ANKRD11: variants seen among roughly 807,000 people sequenced by gnomAD.
ANKRD11 encodes the protein ankyrin repeat domain-containing protein 11.
Under a neutral mutation model 195.7 loss-of-function variants are expected in ANKRD11, and 17 were observed. That is an observed-to-expected ratio of 0.09 (90% CI 0.06 to 0.13). The LOEUF is 0.13. Among genes scored for constraint, ANKRD11 ranks in the 10% least tolerant of loss-of-function variants. The pLI, the probability that ANKRD11 is intolerant of heterozygous loss-of-function variation, is 1.00. For synonymous variants in ANKRD11, 1,953 were observed against 1,528.1 expected (o/e 1.28, Z -6.49); for missense variants, 3,735 against 3,566.1 (o/e 1.05, Z -1.21).
chr16:89,284,575 C>G lies in ANKRD11; in HGVS notation c.1967G>C (p.Ser656Thr). 1 of 1,614,190 alleles carries G rather than the reference C, an allele frequency of 6.2e-7. No homozygotes were observed. ...CSISQELKLKSFTYEYEDSKQ... is the reference protein window; with the variant it reads ...CSISQELKLKTFTYEYEDSKQ... ...GGAGTCCTCATATTCGTAAGTAAAA[C>G]TTTTCAACTTCAGCTCTTGGCTGAT... Residue 656 changes from serine (S) to threonine (T), a missense_variant, in exon 9 of 13, where the codon AGT becomes ACT. Ser to Thr is a moderately conservative substitution (Grantham distance 58). Transcript: ENST00000301030.
intron 4 of ANKRD11, among the ~76,000 whole-genome samples, chr16:89,302,120 C>G (rs1277179784): frequency 6.6e-6 from 1 of 152,246 alleles, no homozygotes; most frequent in East Asian, 1.9e-4. Flanking sequence ...GTGTGCGCCT[C>G]TCCCTCCACC....
intron 3 of ANKRD11, among the ~76,000 whole-genome samples, chr16:89,311,359 T>C (rs2036597393): frequency 6.6e-6 from 1 of 152,252 alleles, no homozygotes. Context: ...TCTTATCCTG[T>C]AGTACCTTTG....
chr16:89,487,965 G>A (rs891916683), intron 1 of ANKRD11, among the ~76,000 whole-genome samples: 1 of 150,732 alleles, frequency 6.6e-6, no homozygotes, highest in Non-Finnish European at 1.5e-5. Context: ...TGGCACTGCT[G>A]GTATGGGGTG....
rs569940094 is a variant in ANKRD11, at chr16:89,335,468, G to A, written c.-59-18390C>T. Among the ~76,000 whole-genome samples, 206 of 152,312 alleles carry A rather than the reference G, an allele frequency of 1.4e-3. 2 individuals are homozygous for A. The highest frequency in any genetic ancestry group is 0.01 in the South Asian group (50 of 4,832). On this transcript the variant is annotated intron_variant, in intron 2 of 12. Coordinates refer to ENST00000301030, the MANE Select transcript of ANKRD11 (RefSeq NM_013275.6). ...GGATGAGTGGGTTCCCACCTAGCAC[G>A]CAGTACGCAGTGGGTTAGGGCAGGT...
intron 2 of ANKRD11, among the ~76,000 whole-genome samples, chr16:89,349,156 A>AAAAAAAAAAAAAAAAT (rs2039085798): frequency 6.8e-6 from 1 of 146,014 alleles, no homozygotes; most frequent in Non-Finnish European, 1.5e-5. Flanking sequence ...AAAAAAAAAA[A>AAAAAAAAAAAAAAAAT]AAAAAGAATA....
At chr16:89,465,234 T>C (rs1289682879) in intron 1 of ANKRD11, among the ~76,000 whole-genome samples, 1 of 152,140 alleles carries the variant, frequency 6.6e-6, no homozygotes, top group Non-Finnish European at 1.5e-5. Flanking sequence ...AAAAGACAAG[T>C]CTGCATATTA....
In ANKRD11 at chr16:89,465,956, C is replaced by T. The variant is rs541181122; in HGVS notation, c.-145+24289G>A. Reference sequence around the variant, plus strand: ...TGATCTCCTGACCTCATGATCTGCCCGCCTCGGCCTCCCAAAGTGCTGGAA... The same window carrying T: ...TGATCTCCTGACCTCATGATCTGCCTGCCTCGGCCTCCCAAAGTGCTGGAA... On this transcript the variant is annotated intron_variant, in intron 1 of 12. Transcript: ENST00000301030. 5.6e-3 allele frequency among the ~76,000 whole-genome samples: 847 copies of T among 152,206 alleles called. 4 individuals are homozygous for T. Among genetic ancestry groups the T allele is most frequent in the Middle Eastern group, 0.01 (3 of 294 alleles).
chr16:89,402,532 T>C (rs2041738214), intron 2 of ANKRD11, among the ~76,000 whole-genome samples: 1 of 151,242 alleles, frequency 6.6e-6, no homozygotes, highest in Non-Finnish European at 1.5e-5. Context: ...CATTTAAAAA[T>C]TGCTGCGTAT....
chr16:89,284,084 T>C lies in ANKRD11; in HGVS notation c.2458A>G (p.Lys820Glu), dbSNP rs1257501919. 1.2e-6 allele frequency: 2 copies of C among 1,614,100 alleles called. No individual in the cohort carries two copies. The highest frequency in any genetic ancestry group is 2.2e-5 in the South Asian group (2 of 91,080). Reference sequence around the variant, plus strand: ...TCTTCATTCTCCAGAAACTGATTTTTGTTACAATATTCGTCAAAAGCAGAA... The same window carrying C: ...TCTTCATTCTCCAGAAACTGATTTTCGTTACAATATTCGTCAAAAGCAGAA... The part of the protein sequence containing the change: ...EDSAFDEYCN[K>E]NQFLENEDTK... The change falls in exon 9 of 13, where the codon AAA becomes GAA. Residue 820 changes from lysine (K) to glutamate (E), a missense_variant. Physicochemically the swap from Lys to Glu is moderately conservative, Grantham distance 56. Transcript: ENST00000301030.
Position 89,281,706 on chromosome 16 carries a change from C to A in ANKRD11, c.4836G>T (p.Arg1612Ser). The A allele has an allele frequency of 6.2e-7, 1 of 1,614,162 alleles. No homozygotes were observed. The highest frequency in any genetic ancestry group is 8.5e-7 in the Non-Finnish European group (1 of 1,180,020). Residue 1612 changes from arginine (R) to serine (S), a missense_variant, in exon 9 of 13, where the codon AGG (arginine) becomes AGT (serine). Physicochemically the swap from Arg to Ser is moderately radical, Grantham distance 110. Transcript: ENST00000301030. The surrounding 1 kb of genome is among the most constrained non-coding windows in gnomAD (Gnocchi z 5.5). ...KERMKQMEKL[R>S]HRSGDPKLKE... ...TGAGCTTGGGGTCTCCGGACCGGTG[C>A]CTCAGCTTCTCCATTTGCTTCATCC...
chr16:89,321,943 C>G (rs995900846), intron 2 of ANKRD11, among the ~76,000 whole-genome samples: 1 of 152,184 alleles, frequency 6.6e-6, no homozygotes, highest in Non-Finnish European at 1.5e-5. Context: ...GCTGCTGCTG[C>G]GCGAGGCTTA....
intron 1 of ANKRD11, among the ~76,000 whole-genome samples, chr16:89,443,923 C>T (rs1346061552): frequency 6.6e-6 from 1 of 152,126 alleles, no homozygotes; most frequent in Non-Finnish European, 1.5e-5. Context: ...GCTGCCGTGC[C>T]GGGCCGGCGT....
chr16:89,282,276 C>A lies in ANKRD11; in HGVS notation c.4266G>T (p.Leu1422Phe), dbSNP rs751159286. ...IEDELDKTIE[L>F]FSTEKKDKND... ...TTTTATCTTTCTTTTCGGTAGAAAA[C>A]AATTCAATGGTTTTATCTAGCTCAT... Residue 1422 changes from leucine (L) to phenylalanine (F), a missense_variant, in exon 9 of 13, where the codon TTG becomes TTT. Leu to Phe is a conservative substitution (Grantham distance 22). Coordinates refer to ENST00000301030, the MANE Select transcript of ANKRD11 (RefSeq NM_013275.6). 2.2e-5 allele frequency: 35 copies of A among 1,613,894 alleles called. No individual in the cohort carries two copies. Among genetic ancestry groups the A allele is most frequent in the Admixed American group, 3.3e-5 (2 of 59,984 alleles).
chr16:89,329,922 A>T (rs2037955210), intron 2 of ANKRD11, among the ~76,000 whole-genome samples: 1 of 152,062 alleles, frequency 6.6e-6, no homozygotes, highest in Non-Finnish European at 1.5e-5. Flanking sequence ...ACTGGGAGGC[A>T]GAGGCTGCCG....
At chr16:89,312,650 C>G (rs537930939) in intron 3 of ANKRD11, among the ~76,000 whole-genome samples, 39 of 152,220 alleles carry the variant, frequency 2.6e-4, no homozygotes, top group African/African-American at 7.9e-4. Context: ...TGTGGGCCCA[C>G]AGCGGTCTCA....
At chr16:89,270,447 C>T in intron 12 of ANKRD11, 1 of 372,406 alleles carries the variant, frequency 2.7e-6, no homozygotes, top group South Asian at 2.2e-5. Flanking sequence ...CCGGCACCTC[C>T]CCCGCCCCTG....
At chr16:89,436,323 G>T (rs1047991215) in intron 1 of ANKRD11, among the ~76,000 whole-genome samples, 1 of 151,980 alleles carries the variant, frequency 6.6e-6, no homozygotes, top group Non-Finnish European at 1.5e-5. Context: ...GCTGAGGCAC[G>T]AGAATTGCTT....
intron 7 of ANKRD11, chr16:89,288,311 A>C: frequency 1.4e-6 from 1 of 729,626 alleles, no homozygotes; most frequent in Non-Finnish European, 2.4e-6. Flanking sequence ...CATAGATGGC[A>C]CTTGCTGGGA....
chr16:89,321,397 CGGGACTGTGGGGAG>C (rs913219241), intron 2 of ANKRD11, among the ~76,000 whole-genome samples: 2 of 92,492 alleles, frequency 2.2e-5, no homozygotes, highest in Non-Finnish European at 4.2e-5. Context: ...GGCTGCAGGG[CGGGACTGTGGGGAG>C]GGGACTGTGG....
Sources: gnomAD v4.1 joint callset for allele counts (sites outside exome capture counted in the v4.1 genomes callset) on GRCh38, gnomAD v4.1.1 for gene constraint, Gnocchi (gnomAD v3.1) non-coding constraint, MANE v1.5 for transcripts, NCBI Gene and HGNC (gene_info 2026-07-23, HGNC 2026-07-21) for gene names.